Variants in PPP1R16B observed in about 807,000 individuals in gnomAD.
PPP1R16B encodes protein phosphatase 1 regulatory inhibitor subunit 16B.
A neutral mutation model predicts 61.7 loss-of-function variants in PPP1R16B; 14 were observed. The observed-to-expected ratio is 0.23, with a 90% confidence interval of 0.15 to 0.35. The LOEUF is 0.35. Ranked by LOEUF, PPP1R16B falls within the 10% of genes least tolerant of loss-of-function variation. The probability of loss-of-function intolerance (pLI) is 1.00; values close to 1 mark genes in which losing one functional copy is unlikely to be tolerated. For missense variants in PPP1R16B, 547 were observed against 752.5 expected (o/e 0.73, Z 3.19); for synonymous variants, 266 against 305.3 (o/e 0.87, Z 1.34).
chr20:38,835,748 G>T (rs888947321), intron 1 of PPP1R16B, 77 bp from the exon 2 acceptor site: 70 of 726,650 alleles, frequency 9.6e-5, no homozygotes, highest in Non-Finnish European at 1.4e-4. Flanking sequence ...TTTCGAACAC[G>T]GGGCGTTGGG....
At chr20:38,838,106 G>C (rs528754072) in intron 2 of PPP1R16B, 1 of 152,352 alleles carries the variant, frequency 6.6e-6, no homozygotes, top group East Asian at 1.9e-4. Flanking sequence ...TTTGCTTCCT[G>C]TTGTAGGAAT....
rs536777565 is a variant in PPP1R16B, at chr20:38,827,244, G to C, written c.-101-8581G>C. ...CCTGGAACAAAGCCGATCCTTTTTT[G>C]TTGCCTTTTGTTAACACCTGGTCTG... On this transcript the variant is annotated intron_variant, in intron 1 of 10. Coordinates refer to ENST00000299824, the MANE Select transcript of PPP1R16B (RefSeq NM_015568.4). 6.6e-5 allele frequency among the ~76,000 whole-genome samples: 10 copies of C among 152,232 alleles called. No individual in the cohort carries two copies. The South Asian group carries it at 1.7e-3, about 25-fold the overall frequency.
At chr20:38,902,156 A>T (rs1387264230) in intron 5 of PPP1R16B, among the ~76,000 whole-genome samples, 1 of 152,190 alleles carries the variant, frequency 6.6e-6, no homozygotes, top group East Asian at 1.9e-4. Flanking sequence ...CCCCTACCTC[A>T]ATTGACTCAG....
intron 4 of PPP1R16B, among the ~76,000 whole-genome samples, chr20:38,897,385 T>C (rs1218955646): frequency 6.6e-6 from 1 of 152,234 alleles, no homozygotes; most frequent in Non-Finnish European, 1.5e-5. Context: ...CATATTTCAC[T>C]TAGCATAATG....
intron 1 of PPP1R16B, among the ~76,000 whole-genome samples, chr20:38,833,620 G>A (rs1181313631): frequency 6.6e-6 from 1 of 152,250 alleles, no homozygotes; most frequent in Non-Finnish European, 1.5e-5. Context: ...CATTGCAAGT[G>A]TATTCAAAAC....
chr20:38,861,860 A>C (rs2085054118), intron 2 of PPP1R16B, among the ~76,000 whole-genome samples: 1 of 151,824 alleles, frequency 6.6e-6, no homozygotes, highest in African/African-American at 2.4e-5. Context: ...TATTTTTAGT[A>C]GAGACAGGGT....
chr20:38,863,878 C>T (rs962593727), intron 2 of PPP1R16B, among the ~76,000 whole-genome samples: 5 of 152,232 alleles, frequency 3.3e-5, no homozygotes, highest in Non-Finnish European at 7.3e-5. Flanking sequence ...TACATAAACA[C>T]TTGTCTACAA....
intron 2 of PPP1R16B, among the ~76,000 whole-genome samples, chr20:38,864,669 G>C (rs973156589): frequency 6.6e-6 from 1 of 152,162 alleles, no homozygotes; most frequent in Non-Finnish European, 1.5e-5. Flanking sequence ...GTATAACAGA[G>C]GGAGTCACAG....
chr20:38,896,116 C>CT (rs1568679438), intron 4 of PPP1R16B, among the ~76,000 whole-genome samples: 4 of 100,256 alleles, frequency 4.0e-5, no homozygotes, highest in Non-Finnish European at 8.1e-5. Context: ...CCCTCCCTTC[C>CT]TTCTTTCTTC....
chr20:38,840,088 G>A (rs2084900121), intron 2 of PPP1R16B, among the ~76,000 whole-genome samples: 1 of 152,240 alleles, frequency 6.6e-6, no homozygotes, highest in South Asian at 2.1e-4. Flanking sequence ...CCTGGGTTTG[G>A]ATGAGGGGTG....
At position 38,806,297 on chromosome 20, in the gene PPP1R16B, C is replaced by A. The variant is rs1568647639; in HGVS notation, c.-102+505C>A. 1.3e-5 allele frequency among the ~76,000 whole-genome samples: 2 copies of A among 152,054 alleles called. No individual in the cohort carries two copies. ...GCGGGCAGCGGCAGGGCGCAGAGAG[C>A]GCTCCTGCCCGGGCGGGAAAGATCC... On this transcript the variant is annotated intron_variant, in intron 1 of 10. Transcript: ENST00000299824. The surrounding 1 kb of genome is among the most constrained non-coding windows in gnomAD (Gnocchi z 4.5).
chr20:38,882,077 C>T (rs2085207114), intron 2 of PPP1R16B, among the ~76,000 whole-genome samples: 1 of 152,166 alleles, frequency 6.6e-6, no homozygotes, highest in African/African-American at 2.4e-5. Context: ...GTTACTTATC[C>T]TCGTAACTGG....
rs916685232 is a variant in PPP1R16B, at chr20:38,922,745, T to C, written c.*4079T>C. 1 of 152,808 alleles carries C rather than the reference T, an allele frequency of 6.5e-6. No individual in the cohort carries two copies. The allele number at this position is 152,808 out of a possible 1,614,324, so 9.5% of individuals were successfully genotyped here. On this transcript the variant is annotated 3_prime_UTR_variant, in exon 11 of 11. Coordinates refer to ENST00000299824, the MANE Select transcript of PPP1R16B (RefSeq NM_015568.4). The stretch of plus-strand genomic sequence containing the variant: ...TGTGAAAAAAAATTAAAACTCTGTA[T>C]ACTGTATCAGCAGCTTTGTGTAAAA...
At chr20:38,813,502 A>G (rs1246070669) in intron 1 of PPP1R16B, among the ~76,000 whole-genome samples, 1 of 152,160 alleles carries the variant, frequency 6.6e-6, no homozygotes, top group East Asian at 1.9e-4. Flanking sequence ...ATGCAGGTTA[A>G]TTGCTCAGCA....
At chr20:38,815,907 A>G (rs1370602675) in intron 1 of PPP1R16B, among the ~76,000 whole-genome samples, 1 of 152,216 alleles carries the variant, frequency 6.6e-6, no homozygotes, top group Non-Finnish European at 1.5e-5. Context: ...ATAAAATGAG[A>G]GCAAAACTGT....
intron 2 of PPP1R16B, among the ~76,000 whole-genome samples, chr20:38,869,427 G>C (rs1018939650): frequency 6.6e-6 from 1 of 152,090 alleles, no homozygotes; most frequent in African/African-American, 2.4e-5. Flanking sequence ...CCAAAGTGTT[G>C]GGATTACAGG....
chr20:38,810,426 A>G (rs1219153098), intron 1 of PPP1R16B, among the ~76,000 whole-genome samples: 1 of 152,228 alleles, frequency 6.6e-6, no homozygotes, highest in African/African-American at 2.4e-5. Flanking sequence ...AGGAAACTTC[A>G]GGATTAACTT....
intron 2 of PPP1R16B, among the ~76,000 whole-genome samples, chr20:38,842,842 A>C (rs1486882835): frequency 6.6e-6 from 1 of 152,066 alleles, no homozygotes; most frequent in Admixed American, 6.6e-5. Context: ...AAAAAAAAAA[A>C]ACCCTGTTAT....
At chr20:38,830,961 C>T (rs2084833084) in intron 1 of PPP1R16B, among the ~76,000 whole-genome samples, 1 of 152,130 alleles carries the variant, frequency 6.6e-6, no homozygotes. Flanking sequence ...GGTGATCAGT[C>T]ATAATAATGA....
Sources: gnomAD v4.1 joint callset for allele counts (sites outside exome capture counted in the v4.1 genomes callset) on GRCh38, gnomAD v4.1.1 for gene constraint, Gnocchi (gnomAD v3.1) non-coding constraint, MANE v1.5 for transcripts, NCBI Gene and HGNC (gene_info 2026-07-23, HGNC 2026-07-21) for gene names.